Variants in RERE observed in about 807,000 individuals in gnomAD.
RERE encodes the protein arginine-glutamic acid dipeptide repeats.
In RERE, 40 loss-of-function variants were observed where a neutral mutation model predicts 146.1. The observed-to-expected ratio is 0.27, with a 90% CI of 0.21 to 0.36. The LOEUF is 0.36. Ranked by LOEUF, RERE falls within the 10% of genes least tolerant of loss-of-function variation. The probability of loss-of-function intolerance (pLI) is 1.00; values close to 1 mark genes in which losing one functional copy is unlikely to be tolerated. For synonymous variants in RERE, 1,003 were observed against 866.0 expected (o/e 1.16, Z -2.78); for missense variants, 1,933 against 2,138.7 (o/e 0.90, Z 1.90).
At chr1:8,658,367 G>C (rs1638374083) in intron 1 of RERE, among the ~76,000 whole-genome samples, 1 of 152,152 alleles carries the variant, frequency 6.6e-6, no homozygotes, top group Non-Finnish European at 1.5e-5. Context: ...GGGTGAGAAA[G>C]GAAACAGTGC....
chr1:8,759,133 G>A (rs1640703541), intron 1 of RERE, among the ~76,000 whole-genome samples: 1 of 152,044 alleles, frequency 6.6e-6, no homozygotes, highest in South Asian at 2.1e-4. Flanking sequence ...AAAATAAAAA[G>A]ATACTGTGAT....
chr1:8,704,510 G>A (rs939740289), intron 1 of RERE, among the ~76,000 whole-genome samples: 1 of 152,056 alleles, frequency 6.6e-6, no homozygotes, highest in Non-Finnish European at 1.5e-5. Flanking sequence ...ACTTTCCAAG[G>A]CCCTATAAAG....
At chr1:8,491,798 C>T (rs1201330939) in intron 10 of RERE, among the ~76,000 whole-genome samples, 1 of 152,170 alleles carries the variant, frequency 6.6e-6, no homozygotes, top group Non-Finnish European at 1.5e-5. Flanking sequence ...CCCTAGGAAG[C>T]AGGAAATATA....
At chr1:8,718,451 G>A (rs1204279298) in intron 1 of RERE, among the ~76,000 whole-genome samples, 1 of 152,236 alleles carries the variant, frequency 6.6e-6, no homozygotes, top group Non-Finnish European at 1.5e-5. Context: ...TCTATTTCAT[G>A]AGAAAAGAGA....
Position 8,694,007 on chromosome 1 carries a change from G to A in RERE, c.-144-37566C>T, listed in dbSNP as rs148536518. Among the ~76,000 whole-genome samples, 1,018 of 119,808 alleles carry A rather than the reference G, an allele frequency of 8.5e-3. 9 individuals are homozygous for A. The highest frequency in any genetic ancestry group is 0.03 in the African/African-American group (960 of 32,028). The allele number at this position is 119,808 out of a possible 152,430, so 78.6% of individuals were successfully genotyped here. A position where few individuals can be genotyped will look rare whatever the true frequency, so the allele number is the denominator to read the frequency against. On this transcript the variant is annotated intron_variant, in intron 1 of 22. Transcript: ENST00000400908. ...AAATGTTAGGCCTGTTAGCAAAACT[G>A]AACAACACCAATTTTCTTTCCCAAA...
At chr1:8,742,744 T>C (rs748310493) in intron 1 of RERE, among the ~76,000 whole-genome samples, 1 of 151,980 alleles carries the variant, frequency 6.6e-6, no homozygotes, top group Admixed American at 6.6e-5. Context: ...GGGGTATCCC[T>C]GTAGTCCCAG....
chr1:8,813,132 G>A (rs1216016006), intron 1 of RERE, among the ~76,000 whole-genome samples: 1 of 152,070 alleles, frequency 6.6e-6, no homozygotes, highest in Non-Finnish European at 1.5e-5. Context: ...GGAATTCCTG[G>A]TAGTAAAAAA....
chr1:8,361,766 C>A lies in RERE; in HGVS notation c.2013G>T (p.Thr671=), dbSNP rs760579129. 4 of 1,611,142 alleles carry A rather than the reference C, an allele frequency of 2.5e-6. 1 individual carries two copies. The highest frequency in any genetic ancestry group is 1.7e-5 in the Admixed American group (1 of 59,924). The change falls in exon 17 of 23, where the codon ACG becomes ACT. Residue 671 remains threonine, a synonymous_variant. Coordinates refer to ENST00000400908, the MANE Select transcript of RERE (RefSeq NM_001042681.2). ...ADRTSSKKTK[T]QEISRPNSPS... ...AAGGCTCAGCAGCAAACCTCACCTG[C>A]GTTTTTGTCTTCTTGGAGCTGGTCC...
At chr1:8,735,281 T>G (rs1640173666) in intron 1 of RERE, among the ~76,000 whole-genome samples, 1 of 152,220 alleles carries the variant, frequency 6.6e-6, no homozygotes, top group Non-Finnish European at 1.5e-5. Flanking sequence ...CTTCCAGCAG[T>G]TAGCATAAGT....
intron 2 of RERE, among the ~76,000 whole-genome samples, chr1:8,636,980 G>A (rs763534692): frequency 1.4e-4 from 20 of 147,448 alleles, no homozygotes; most frequent in Non-Finnish European, 2.8e-4. Context: ...TTTTTAAATC[G>A]GCAAAATATT....
At chr1:8,770,242 T>C (rs1363368463) in intron 1 of RERE, among the ~76,000 whole-genome samples, 3 of 152,190 alleles carry the variant, frequency 2.0e-5, no homozygotes, top group Admixed American at 6.5e-5. Flanking sequence ...CATTTCAGAA[T>C]ATTATTGAAA....
intron 11 of RERE, among the ~76,000 whole-genome samples, chr1:8,428,969 C>A (rs534681568): frequency 7.9e-5 from 12 of 152,110 alleles, no homozygotes; most frequent in African/African-American, 2.7e-4. Flanking sequence ...TGGGATGGCA[C>A]GTGGACCTGG....
intron 1 of RERE, among the ~76,000 whole-genome samples, chr1:8,692,252 G>A (rs1274572835): frequency 6.6e-6 from 1 of 152,082 alleles, no homozygotes; most frequent in East Asian, 1.9e-4. Flanking sequence ...AAGGGGAACT[G>A]GTTCCAGAAC....
intron 1 of RERE, among the ~76,000 whole-genome samples, chr1:8,796,950 G>A (rs1270636074): frequency 6.6e-6 from 1 of 152,102 alleles, no homozygotes; most frequent in East Asian, 1.9e-4. Context: ...ATACAGATGA[G>A]GGTCACAGAC....
chr1:8,574,197 T>C (rs1430501571), intron 4 of RERE, among the ~76,000 whole-genome samples: 1 of 152,190 alleles, frequency 6.6e-6, no homozygotes. Flanking sequence ...TTTAGAAGAA[T>C]CTGGGTTCCT....
chr1:8,725,041 C>T (rs1466335327), intron 1 of RERE, among the ~76,000 whole-genome samples: 5 of 151,978 alleles, frequency 3.3e-5, no homozygotes, highest in East Asian at 1.9e-4. Flanking sequence ...TTTGAAAACA[C>T]GAATGCTTAT....
At chr1:8,456,652 G>A (rs776373434) in intron 11 of RERE, among the ~76,000 whole-genome samples, 14 of 152,106 alleles carry the variant, frequency 9.2e-5, no homozygotes, top group Non-Finnish European at 1.9e-4. Context: ...AACATCTCTG[G>A]TCTAAGATCC....
At chr1:8,381,448 C>G (rs182533553) in intron 12 of RERE, among the ~76,000 whole-genome samples, 1 of 152,284 alleles carries the variant, frequency 6.6e-6, no homozygotes, top group East Asian at 1.9e-4. Context: ...ACAGAGGAGT[C>G]ACTAACAGTC....
In RERE at chr1:8,516,227, G is replaced by GGAAAAAAAAAAAAAAAAAAAAAAAAAAA. The variant is rs573135224; in HGVS notation, c.831-7553_831-7552insTTTTTTTTTTTTTTTTTTTTTTTTTTTC. ...GGGACGGAGCAAGACTCTCTCAGAG[G>GGAAAAAAAAAAAAAAAAAAAAAAAAAAA]AAAAAAAAAAAAAAAAAAAAAATCT... is the stretch of plus-strand genomic sequence containing the variant. On this transcript the variant is annotated intron_variant, in intron 7 of 22. Transcript: ENST00000400908. 2.1e-4 allele frequency among the ~76,000 whole-genome samples: 11 copies of GGAAAAAAAAAAAAAAAAAAAAAAAAAAA among 52,306 alleles called. 2 individuals are homozygous for GGAAAAAAAAAAAAAAAAAAAAAAAAAAA. Among genetic ancestry groups the GGAAAAAAAAAAAAAAAAAAAAAAAAAAA allele is most frequent in the African/African-American group, 9.5e-4 (11 of 11,626 alleles). The allele number at this position is 52,306 out of a possible 152,430, so 34.3% of individuals were successfully genotyped here.
Sources: allele counts gnomAD v4.1 joint callset (sites outside exome capture counted in the v4.1 genomes callset), GRCh38; gene constraint gnomAD v4.1.1; transcripts MANE v1.5; gene names NCBI Gene and HGNC (gene_info 2026-07-23, HGNC 2026-07-21).